The following LMBR1 variants were observed in gnomAD, a reference collection of about 807,000 sequenced individuals.
LMBR1 encodes the protein limb development membrane protein 1.
Under a neutral mutation model 73.9 loss-of-function variants are expected in LMBR1, and 52 were observed. That is an observed-to-expected ratio of 0.70 (90% CI 0.56 to 0.89). LMBR1 has a LOEUF of 0.89. Ranked by LOEUF, LMBR1 falls within the 40% of genes least tolerant of loss-of-function variation. LMBR1 has a pLI of 0.00. For missense variants in LMBR1, 539 were observed against 579.8 expected (o/e 0.93, Z 0.72); for synonymous variants, 215 against 209.4 (o/e 1.03, Z -0.23).
chr7:156,830,209 AT>A (rs1563474494), intron 3 of LMBR1, among the ~76,000 whole-genome samples: 1 of 152,126 alleles, frequency 6.6e-6, no homozygotes, highest in Admixed American at 6.5e-5. Flanking sequence ...GTGACACTCA[AT>A]TTTTTTAAAC....
rs1219051241 is a variant in LMBR1, at chr7:156,670,423, C to CA, written n.867-1137dup. On this transcript the variant is annotated intron_variant and non_coding_transcript_variant, in intron 4 of 4. Transcript: ENST00000430825. The surrounding 1 kb of genome is among the most constrained non-coding windows in gnomAD (Gnocchi z 4.3). ...TAAGAGAGGATGTGGCGCAGGATGT[C>CA]ACTGTCAGAATTTGAAGAGAAAAGA... 1.3e-5 allele frequency among the ~76,000 whole-genome samples: 2 copies of CA among 152,166 alleles called. No homozygotes were observed. The highest frequency in any genetic ancestry group is 4.8e-5 in the African/African-American group (2 of 41,432).
At chr7:156,697,279 G>A (rs1029889198) in intron 15 of LMBR1, among the ~76,000 whole-genome samples, 1 of 152,216 alleles carries the variant, frequency 6.6e-6, no homozygotes, top group Non-Finnish European at 1.5e-5. Flanking sequence ...ACATGCTTCT[G>A]AGGGAACAGG....
chr7:156,687,916 A>G, intron 16 of LMBR1, 114 bp downstream of exon 16: 1 of 950,516 alleles, frequency 1.1e-6, no homozygotes, highest in Non-Finnish European at 1.5e-6. Context: ...CAATAATTTG[A>G]CCTCTAAGGT....
At chr7:156,883,855 A>G (rs1277497601) in intron 1 of LMBR1, among the ~76,000 whole-genome samples, 2 of 152,138 alleles carry the variant, frequency 1.3e-5, no homozygotes, top group African/African-American at 4.8e-5. Context: ...CATAGAGCCC[A>G]CCTGGATAAT....
At chr7:156,734,852 TCACATTCAGAAG>T in intron 9 of LMBR1, among the ~76,000 whole-genome samples, 1 of 152,330 alleles carries the variant, frequency 6.6e-6, no homozygotes, top group East Asian at 1.9e-4. Context: ...ATACCTTTCT[TCACATTCAGAAG>T]CACATTCACA....
chr7:156,718,877 A>AT (rs1381824086), intron 15 of LMBR1, among the ~76,000 whole-genome samples: 6 of 151,360 alleles, frequency 4.0e-5, no homozygotes, highest in Non-Finnish European at 4.4e-5. Flanking sequence ...TTTTTTTTAC[A>AT]TAAAAATCAA....
At chr7:156,834,503 T>C (rs1837251248) in intron 2 of LMBR1, 1 of 297,450 alleles carries the variant, frequency 3.4e-6, no homozygotes, top group East Asian at 1.5e-4. Context: ...CTCAGGAGGC[T>C]GAGGTTGGAG....
chr7:156,844,587 C>G (rs1240663374), intron 1 of LMBR1, among the ~76,000 whole-genome samples: 2 of 148,190 alleles, frequency 1.3e-5, no homozygotes, highest in Admixed American at 1.3e-4. Context: ...TCCAGCTTCT[C>G]ATCACTAAAA....
chr7:156,858,186 A>G lies in LMBR1; in HGVS notation c.67-21301T>C, dbSNP rs6962761. On this transcript the variant is annotated intron_variant, in intron 1 of 16. Transcript: ENST00000353442. ...TCAAAAAGTGCAATAAAATTGATAAACCTCTAGCCAGGCCAACCAAGTAGA... is the reference window on the plus strand; with the variant it reads ...TCAAAAAGTGCAATAAAATTGATAAGCCTCTAGCCAGGCCAACCAAGTAGA... Among the ~76,000 whole-genome samples the G allele has an allele frequency of 6.1e-3, 928 of 152,182 alleles. 15 individuals are homozygous for G. The highest frequency in any genetic ancestry group is 0.022 in the African/African-American group (899 of 41,550).
intron 1 of LMBR1, 46 bp downstream of exon 1, chr7:156,892,882 C>G (rs1803420725): frequency 2.2e-6 from 3 of 1,376,456 alleles, no homozygotes; most frequent in South Asian, 3.0e-5. Flanking sequence ...ACGGAGGGCC[C>G]GGGCGGGCAC....
chr7:156,756,796 A>G (rs1312398120), intron 8 of LMBR1, among the ~76,000 whole-genome samples: 2 of 152,008 alleles, frequency 1.3e-5, no homozygotes, highest in Non-Finnish European at 2.9e-5. Context: ...TGTGGGCTAC[A>G]TGTATGAATT....
At chr7:156,729,695 G>A (rs1049035053) in intron 10 of LMBR1, among the ~76,000 whole-genome samples, 11 of 151,998 alleles carry the variant, frequency 7.2e-5, no homozygotes, top group Non-Finnish European at 1.5e-4. Context: ...GGATGGTCCC[G>A]ATCTCCTGAC....
chr7:156,828,436 C>T (rs1836078173), intron 3 of LMBR1, among the ~76,000 whole-genome samples: 1 of 152,152 alleles, frequency 6.6e-6, no homozygotes, highest in African/African-American at 2.4e-5. Context: ...CAGAGTAATG[C>T]ATCTTTTCTA....
intron 10 of LMBR1, among the ~76,000 whole-genome samples, chr7:156,731,290 G>A (rs1203525982): frequency 6.6e-6 from 1 of 152,134 alleles, no homozygotes; most frequent in Non-Finnish European, 1.5e-5. Flanking sequence ...GAATGAAAAA[G>A]CCTAGCATGT....
intron 5 of LMBR1, among the ~76,000 whole-genome samples, chr7:156,792,028 G>A (rs1293049896): frequency 6.6e-6 from 1 of 152,112 alleles, no homozygotes; most frequent in Non-Finnish European, 1.5e-5. Flanking sequence ...AAAATAAGAT[G>A]TTAAGATATA....
intron 15 of LMBR1, among the ~76,000 whole-genome samples, chr7:156,701,337 T>C (rs1809630483): frequency 6.6e-6 from 1 of 152,234 alleles, no homozygotes; most frequent in South Asian, 2.1e-4. Context: ...AATTGTGATA[T>C]ATACATACAA....
intron 15 of LMBR1, among the ~76,000 whole-genome samples, chr7:156,710,299 T>G (rs1378054391): frequency 3.3e-5 from 5 of 152,022 alleles, no homozygotes. Flanking sequence ...GGATGAAAAA[T>G]TCTTCAGAGA....
intron 9 of LMBR1, among the ~76,000 whole-genome samples, chr7:156,746,138 T>C (rs1311669771): frequency 6.6e-6 from 1 of 152,192 alleles, no homozygotes; most frequent in Non-Finnish European, 1.5e-5. Context: ...TTAAACTACA[T>C]AATAGTCTTA....
At chr7:156,671,586 A>G (rs1311225363) in intron 4 of LMBR1, among the ~76,000 whole-genome samples, 2 of 151,416 alleles carry the variant, frequency 1.3e-5, no homozygotes, top group African/African-American at 2.4e-5. Flanking sequence ...TATGTTTTAT[A>G]AGTTCAGCTT....
Sources: allele counts gnomAD v4.1 joint callset (sites outside exome capture counted in the v4.1 genomes callset), GRCh38; gene constraint gnomAD v4.1.1; non-coding constraint Gnocchi (gnomAD v3.1); transcripts MANE v1.5; gene names NCBI Gene and HGNC (gene_info 2026-07-23, HGNC 2026-07-21).